RALGPS1: variants seen among roughly 807,000 people sequenced by gnomAD.
RALGPS1 encodes the protein Ral GEF with PH domain and SH3 binding motif 1, also known as ras-specific guanine nucleotide-releasing factor RalGPS1.
RALGPS1 carries 19 observed loss-of-function variants against 78.8 expected under a neutral mutation model. That is an observed-to-expected ratio of 0.24 (90% CI 0.17 to 0.35). The LOEUF (loss-of-function observed/expected upper bound fraction) is 0.35, where lower values mean the gene tolerates loss of function less well. Among genes scored for constraint, RALGPS1 ranks in the 10% least tolerant of loss-of-function variants. The pLI is 1.00. For synonymous variants in RALGPS1, 228 were observed against 256.3 expected (o/e 0.89, Z 1.06); for missense variants, 454 against 688.3 (o/e 0.66, Z 3.81).
intron 11 of RALGPS1, among the ~76,000 whole-genome samples, chr9:127,177,737 G>C (rs936222003): frequency 2.0e-5 from 3 of 152,198 alleles, no homozygotes; most frequent in Admixed American, 2.0e-4. Flanking sequence ...CTGGTCCCTG[G>C]GGCAGGAAAG....
chr9:127,206,884 G>A (rs141790543), intron 14 of RALGPS1, among the ~76,000 whole-genome samples: 88 of 152,122 alleles, frequency 5.8e-4, no homozygotes, highest in African/African-American at 2.0e-3. Context: ...CTCAGGAAGT[G>A]CCCTGGCCAC....
intron 4 of RALGPS1, among the ~76,000 whole-genome samples, chr9:127,008,053 G>A (rs1168329026): frequency 6.6e-6 from 1 of 151,830 alleles, no homozygotes; most frequent in Non-Finnish European, 1.5e-5. Flanking sequence ...TGCAGGCCTT[G>A]GTGCTAAGGT....
At chr9:127,007,555 C>T (rs1456569475) in intron 4 of RALGPS1, among the ~76,000 whole-genome samples, 1 of 152,104 alleles carries the variant, frequency 6.6e-6, no homozygotes, top group Non-Finnish European at 1.5e-5. Context: ...CTCAGGAAAG[C>T]TTGTCTGAAT....
chr9:127,189,758 G>A (rs992980220), intron 11 of RALGPS1, among the ~76,000 whole-genome samples: 5 of 152,156 alleles, frequency 3.3e-5, no homozygotes, highest in African/African-American at 1.2e-4. Flanking sequence ...GGACCCCACA[G>A]GCAGAGAGCC....
chr9:127,068,850 T>G (rs1002915874), intron 7 of RALGPS1, among the ~76,000 whole-genome samples: 2 of 152,202 alleles, frequency 1.3e-5, no homozygotes, highest in Non-Finnish European at 2.9e-5. Context: ...AGGTGCAGAT[T>G]ATGCAGAAAT....
chr9:127,189,855 CT>C (rs1450897337), intron 11 of RALGPS1, among the ~76,000 whole-genome samples: 1 of 152,210 alleles, frequency 6.6e-6, no homozygotes, highest in Non-Finnish European at 1.5e-5. Context: ...ATGCAGCCCC[CT>C]GGTCCGTGGC....
chr9:127,134,177 C>T (rs569028337), intron 8 of RALGPS1, among the ~76,000 whole-genome samples: 6 of 152,258 alleles, frequency 3.9e-5, no homozygotes, highest in Admixed American at 2.6e-4. Flanking sequence ...GGGGTCTCTC[C>T]TCCTTTGTTT....
At chr9:127,003,552 G>A (rs950425390) in intron 4 of RALGPS1, among the ~76,000 whole-genome samples, 2 of 152,096 alleles carry the variant, frequency 1.3e-5, no homozygotes, top group Non-Finnish European at 2.9e-5. Context: ...AGTCACAAAC[G>A]TTCTTGAACA....
chr9:127,136,236 C>T (rs1347873027), intron 8 of RALGPS1, among the ~76,000 whole-genome samples: 1 of 152,212 alleles, frequency 6.6e-6, no homozygotes, highest in Non-Finnish European at 1.5e-5. Flanking sequence ...GGCAGAAGCA[C>T]CCCCTGAGCT....
rs114567407 is a variant in RALGPS1 at position 127,114,693 on chromosome 9, G to A, written c.610+45337G>A. On this transcript the variant is annotated intron_variant, in intron 8 of 18. Coordinates refer to ENST00000259351, the MANE Select transcript of RALGPS1 (RefSeq NM_014636.3). ...TGATCACAGATGAAGGCCAATAATG[G>A]GTCCACGCCATAAGAGGCATCCCAG... Among the ~76,000 whole-genome samples, 1,125 of 152,332 alleles carry A rather than the reference G, an allele frequency of 7.4e-3. 12 individuals carry two copies. The highest frequency in any genetic ancestry group is 0.025 in the African/African-American group (1,059 of 41,570).
At chr9:127,075,680 A>G (rs748391242) in intron 8 of RALGPS1, among the ~76,000 whole-genome samples, 2 of 152,360 alleles carry the variant, frequency 1.3e-5, no homozygotes, top group Non-Finnish European at 2.9e-5. Flanking sequence ...TCTGGGAGGA[A>G]CTGTAGGTCA....
At chr9:127,100,053 T>G (rs964748785) in intron 8 of RALGPS1, among the ~76,000 whole-genome samples, 1 of 152,248 alleles carries the variant, frequency 6.6e-6, no homozygotes. Context: ...TCAAGTTCAT[T>G]AATTGTTAAA....
rs926875661 is a variant in RALGPS1, at chr9:127,205,622, C to T, written c.1248-6509C>T. 8.5e-5 allele frequency among the ~76,000 whole-genome samples: 13 copies of T among 152,218 alleles called. No homozygotes were observed. Among genetic ancestry groups the T allele is most frequent in the Non-Finnish European group, 1.8e-4 (12 of 68,042 alleles). On this transcript the variant is annotated intron_variant, in intron 14 of 18. Coordinates refer to ENST00000259351, the MANE Select transcript of RALGPS1 (RefSeq NM_014636.3). This position sits in a 1 kb window ranked among gnomAD's most constrained non-coding sequence, Gnocchi z 4.0. ...TCCTCCAGAGTCAGCACCTAGAAAG[C>T]GGGCAGGACGCTCCTTCCATCTTGT...
intron 7 of RALGPS1, among the ~76,000 whole-genome samples, chr9:127,064,794 G>A (rs769637838): frequency 4.6e-5 from 7 of 152,244 alleles, no homozygotes; most frequent in South Asian, 2.1e-4. Context: ...GTAAATATGC[G>A]TCACTATATA....
intron 1 of RALGPS1, among the ~76,000 whole-genome samples, chr9:126,935,736 C>G (rs908289238): frequency 1.3e-5 from 2 of 152,314 alleles, no homozygotes; most frequent in Non-Finnish European, 2.9e-5. Flanking sequence ...CTCACATGCT[C>G]TCTGCTTTAA....
At chr9:127,198,901 A>G in intron 13 of RALGPS1, 114 bp from the exon 14 acceptor site, 1 of 891,882 alleles carries the variant, frequency 1.1e-6, no homozygotes, top group Non-Finnish European at 1.9e-6. Context: ...CAATGTCAGG[A>G]AGCAGTTTCT....
intron 1 of RALGPS1, among the ~76,000 whole-genome samples, chr9:126,928,970 C>A (rs922512741): frequency 6.6e-6 from 1 of 152,110 alleles, no homozygotes; most frequent in Non-Finnish European, 1.5e-5. Context: ...AGTTTTCTCA[C>A]TTTCTCTCTA....
chr9:126,984,768 C>T (rs1293495357), intron 4 of RALGPS1, among the ~76,000 whole-genome samples: 1 of 152,166 alleles, frequency 6.6e-6, no homozygotes. Flanking sequence ...TTTGGCCCAA[C>T]AAGATCCCCA....
chr9:127,207,846 C>A (rs1297884989), intron 14 of RALGPS1, among the ~76,000 whole-genome samples: 1 of 152,224 alleles, frequency 6.6e-6, no homozygotes, highest in African/African-American at 2.4e-5. Context: ...GGCCTGGGGT[C>A]GCTCCCCGTG....
Sources: gnomAD v4.1 joint callset for allele counts (sites outside exome capture counted in the v4.1 genomes callset) on GRCh38, gnomAD v4.1.1 for gene constraint, Gnocchi (gnomAD v3.1) non-coding constraint, MANE v1.5 for transcripts, NCBI Gene and HGNC (gene_info 2026-07-23, HGNC 2026-07-21) for gene names.